FXN: variants seen among roughly 807,000 people sequenced by gnomAD.
FXN encodes the protein frataxin, mitochondrial.
Under a neutral mutation model 22.4 loss-of-function variants are expected in FXN, and 14 were observed. The ratio of observed to expected loss-of-function variants is 0.62; its 90% confidence interval spans 0.41 to 0.98. The LOEUF (loss-of-function observed/expected upper bound fraction) is 0.98, where lower values mean the gene tolerates loss of function less well. Among genes scored for constraint, FXN ranks in the 50% least tolerant of loss-of-function variants. FXN has a pLI of 0.00. For missense variants in FXN, 267 were observed against 268.4 expected (o/e 0.99, Z 0.04); for synonymous variants, 120 against 114.1 (o/e 1.05, Z -0.33).
chr9:69,053,471 A>AGATGGATGGATGGATGGATG (rs58150402), intron 3 of FXN, among the ~76,000 whole-genome samples: 5 of 140,266 alleles, frequency 3.6e-5, no homozygotes, highest in South Asian at 2.4e-4. Flanking sequence ...ACTCTGTCAT[A>AGATGGATGGATGGATGGATG]GATGGATGGA....
At chr9:69,037,699 T>G (rs1449999108) in intron 1 of FXN, among the ~76,000 whole-genome samples, 1 of 152,034 alleles carries the variant, frequency 6.6e-6, no homozygotes, top group Non-Finnish European at 1.5e-5. Context: ...TGAGACAGAG[T>G]TTCCCTCTTG....
intron 1 of FXN, 43 bp downstream of exon 1, chr9:69,035,990 G>GGGCGCAC: frequency 1.5e-6 from 2 of 1,374,294 alleles, no homozygotes; most frequent in South Asian, 1.6e-5. Context: ...GCACGCCGCG[G>GGGCGCAC]GCCGCACGCC....
chr9:69,069,572 G>T (rs1458704861), intron 4 of FXN, among the ~76,000 whole-genome samples: 1 of 152,228 alleles, frequency 6.6e-6, no homozygotes, highest in East Asian at 1.9e-4. Context: ...ACTTGGCAGT[G>T]GAGGGGAACA....
chr9:69,054,820 A>G (rs1831925480), intron 3 of FXN, among the ~76,000 whole-genome samples: 1 of 152,176 alleles, frequency 6.6e-6, no homozygotes, highest in African/African-American at 2.4e-5. Flanking sequence ...CAAAGATGTT[A>G]ATCCTCTTGA....
Position 69,042,239 on chromosome 9 carries a change from GA to G in FXN, c.166-4131del, listed in dbSNP as rs36033050. Among the ~76,000 whole-genome samples, 569 of 136,210 alleles carry G rather than the reference GA, an allele frequency of 4.2e-3. 3 individuals carry two copies. The highest frequency in any genetic ancestry group is 7.5e-3 in the Middle Eastern group (2 of 266). The allele number at this position is 136,210 out of a possible 152,430, so 89.4% of individuals were successfully genotyped here. On this transcript the variant is annotated intron_variant, in intron 1 of 4. Coordinates refer to ENST00000484259, the MANE Select transcript of FXN (RefSeq NM_000144.5). ...GGCAACAGAGCAAGACTCCGTCTCA[GA>G]AAAAAAAAAAAAAAGGAAGAACACT...
Position 69,046,453 on chromosome 9 carries a change from G to C in FXN, c.234G>C (p.Leu78Phe). 1 of 1,614,014 alleles carries C rather than the reference G, an allele frequency of 6.2e-7. No individual in the cohort carries two copies. The highest frequency in any genetic ancestry group is 1.1e-5 in the South Asian group (1 of 91,056). The stretch of plus-strand genomic sequence containing the variant: ...AGCAGAGTGTCTATTTGATGAATTT[G>C]AGGAAATCTGGAACTTTGGGCCACC... ...VKKQSVYLMN[L>F]RKSGTLGHPG... Residue 78 changes from leucine to phenylalanine, a missense_variant, in exon 2 of 5, where the codon TTG becomes TTC. Leu to Phe is a conservative substitution (Grantham distance 22). Transcript: ENST00000484259.
rs901877156 is a variant in FXN at position 69,056,190 on chromosome 9, A to C, written c.384+2930A>C. Reference sequence around the variant, plus strand: ...CAGCACACCCAGCCACAAATCTATAAATTTAGAAAGGAGGACTATTTCTAA... The same window carrying C: ...CAGCACACCCAGCCACAAATCTATACATTTAGAAAGGAGGACTATTTCTAA... On this transcript the variant is annotated intron_variant, in intron 3 of 4. Coordinates refer to ENST00000484259, the MANE Select transcript of FXN (RefSeq NM_000144.5). 3.5e-4 allele frequency among the ~76,000 whole-genome samples: 53 copies of C among 152,180 alleles called. 1 individual carries two copies. Among genetic ancestry groups the C allele is most frequent in the Non-Finnish European group, 7.3e-5 (5 of 68,034 alleles).
chr9:69,038,661 A>G (rs544381688), intron 1 of FXN, among the ~76,000 whole-genome samples: 1 of 151,870 alleles, frequency 6.6e-6, no homozygotes, highest in East Asian at 1.9e-4. Context: ...CCCCATCTCT[A>G]CTAAAAACTA....
chr9:69,037,284 A>AAAAGAAGAAGAAGAAGAAGAAGAAAG (rs544093183), intron 1 of FXN, among the ~76,000 whole-genome samples: 1 of 78,060 alleles, frequency 1.3e-5, no homozygotes, highest in Non-Finnish European at 2.5e-5. Flanking sequence ...AAAAAAAAAA[A>AAAAGAAGAAGAAGAAGAAGAAGAAAG]AAGAAGAAGA....
chr9:69,071,931 T>G (rs1832284139), intron 4 of FXN, among the ~76,000 whole-genome samples: 1 of 152,204 alleles, frequency 6.6e-6, no homozygotes, highest in Non-Finnish European at 1.5e-5. Context: ...TACATTGTAC[T>G]AGGCATTATA....
rs144041122 is a variant in FXN, at chr9:69,037,176, C to A, written c.165+1229C>A. ...CGGTGGCTCATGCCCATAATCTCAG[C>A]ACTTTGGGAGGCCTAGGAAGGTGGA... On this transcript the variant is annotated intron_variant, in intron 1 of 4. Coordinates refer to ENST00000484259, the MANE Select transcript of FXN (RefSeq NM_000144.5). 3.3e-3 allele frequency among the ~76,000 whole-genome samples: 489 copies of A among 150,410 alleles called. 3 individuals are homozygous for A. The highest frequency in any genetic ancestry group is 0.01 in the Middle Eastern group (3 of 292).
At chr9:69,037,455 A>G (rs1831584543) in intron 1 of FXN, among the ~76,000 whole-genome samples, 1 of 151,592 alleles carries the variant, frequency 6.6e-6, no homozygotes, top group Non-Finnish European at 1.5e-5. Context: ...ACAGAGCAAG[A>G]CTCCGTCTCA....
intron 3 of FXN, among the ~76,000 whole-genome samples, chr9:69,056,899 C>T (rs1396203576): frequency 2.8e-5 from 4 of 143,806 alleles, no homozygotes; most frequent in African/African-American, 4.9e-5. Flanking sequence ...CCTGCCACCA[C>T]GCCTGGCTAA....
At chr9:69,046,227 A>AT (rs574694794) in intron 1 of FXN, among the ~76,000 whole-genome samples, 158 bp from the exon 2 acceptor site, 2 of 152,048 alleles carry the variant, frequency 1.3e-5, no homozygotes, top group South Asian at 2.1e-4. Context: ...AGAGAGGATA[A>AT]TTTTTTTTAA....
chr9:69,062,496 A>G (rs1448904440), intron 3 of FXN, among the ~76,000 whole-genome samples: 2 of 152,216 alleles, frequency 1.3e-5, no homozygotes, highest in African/African-American at 2.4e-5. Flanking sequence ...GTTTTTTTAA[A>G]CAAACTTACG....
chr9:69,045,845 T>TG (rs1047355912), intron 1 of FXN, among the ~76,000 whole-genome samples: 6 of 146,310 alleles, frequency 4.1e-5, no homozygotes, highest in South Asian at 2.4e-4. Context: ...CAAGGGCAAG[T>TG]GGGGGGGTCC....
intron 3 of FXN, among the ~76,000 whole-genome samples, chr9:69,064,283 A>G (rs949949112): frequency 1.3e-5 from 2 of 152,210 alleles, no homozygotes; most frequent in Non-Finnish European, 2.9e-5. Context: ...AGATGCACCA[A>G]CTAGTCTTTT....
chr9:69,052,529 CT>C (rs1217877504), intron 2 of FXN, among the ~76,000 whole-genome samples: 1 of 139,442 alleles, frequency 7.2e-6, no homozygotes, highest in Non-Finnish European at 1.5e-5. Flanking sequence ...CCCTTCTGTG[CT>C]GTTTAAATTT....
rs1832387821 is a variant in FXN, at chr9:69,077,247, G to A, written c.*4485G>A. The A allele has an allele frequency of 2.0e-6, 2 of 985,286 alleles. No individual in the cohort carries two copies. The highest frequency in any genetic ancestry group is 3.5e-5 in the African/African-American group (2 of 57,202). 61.0% of individuals were successfully genotyped at this position (985,286 alleles called of 1,614,324 possible). A position where few individuals can be genotyped will look rare whatever the true frequency, so the allele number is the denominator to read the frequency against. Reference sequence around the variant, plus strand: ...TCTAATCTTTGGTTTATCTTAATTAGCCAGGACACTTGGAGTGCATCCCGA... The same window carrying A: ...TCTAATCTTTGGTTTATCTTAATTAACCAGGACACTTGGAGTGCATCCCGA... On this transcript the variant is annotated 3_prime_UTR_variant, in exon 5 of 5. Coordinates refer to ENST00000484259, the MANE Select transcript of FXN (RefSeq NM_000144.5).
Sources: allele counts gnomAD v4.1 joint callset (sites outside exome capture counted in the v4.1 genomes callset), GRCh38; gene constraint gnomAD v4.1.1; transcripts MANE v1.5; gene names NCBI Gene and HGNC (gene_info 2026-07-23, HGNC 2026-07-21).